Variants in RBFOX1 observed in about 807,000 individuals in gnomAD.
RBFOX1 encodes the protein RNA binding protein fox-1 homolog 1.
A neutral mutation model predicts 57.7 loss-of-function variants in RBFOX1; 8 were observed. The observed-to-expected ratio is 0.14, with a 90% CI of 0.08 to 0.25. The LOEUF is 0.25. Among genes scored for constraint, RBFOX1 ranks in the 10% least tolerant of loss-of-function variants. The pLI is 1.00. For synonymous variants in RBFOX1, 326 were observed against 222.4 expected (o/e 1.47, Z -4.15); for missense variants, 611 against 548.5 (o/e 1.11, Z -1.14).
intron 4 of RBFOX1, among the ~76,000 whole-genome samples, chr16:7,164,574 C>T (rs1346556473): frequency 3.3e-5 from 5 of 152,188 alleles, no homozygotes; most frequent in Admixed American, 1.3e-4. Flanking sequence ...GAAAAGCCCC[C>T]TCTAAATCCT....
chr16:5,955,381 TAAAATA>T, intron 4 of RBFOX1, among the ~76,000 whole-genome samples: 1 of 72,728 alleles, frequency 1.4e-5, no homozygotes, highest in South Asian at 4.5e-4. Flanking sequence ...TAAAATAAAA[TAAAATA>T]AAATAAAATA....
At chr16:6,335,651 G>A (rs1053763313) in intron 2 of RBFOX1, among the ~76,000 whole-genome samples, 4 of 151,232 alleles carry the variant, frequency 2.6e-5, no homozygotes, top group Non-Finnish European at 5.9e-5. Flanking sequence ...GTTGACGCGC[G>A]CCTGTAACCC....
At chr16:7,674,758 T>C (rs1361311061) in intron 13 of RBFOX1, among the ~76,000 whole-genome samples, 4 of 152,216 alleles carry the variant, frequency 2.6e-5, no homozygotes, top group Non-Finnish European at 5.9e-5. Flanking sequence ...ATGTTTCTAC[T>C]ATACATAACC....
At chr16:7,111,693 G>A (rs1028791182) in intron 4 of RBFOX1, among the ~76,000 whole-genome samples, 1 of 152,022 alleles carries the variant, frequency 6.6e-6, no homozygotes, top group Non-Finnish European at 1.5e-5. Flanking sequence ...CTACTTCTGG[G>A]GAAGATGAGG....
chr16:6,146,983 G>T (rs955374851), intron 1 of RBFOX1, among the ~76,000 whole-genome samples: 1 of 152,044 alleles, frequency 6.6e-6, no homozygotes, highest in African/African-American at 2.4e-5. Flanking sequence ...CCCACTGGTC[G>T]TGCATTAAAG....
chr16:7,706,363 GTAT>G (rs2082440631), intron 14 of RBFOX1, among the ~76,000 whole-genome samples: 1 of 152,196 alleles, frequency 6.6e-6, no homozygotes, highest in Non-Finnish European at 1.5e-5. Context: ...CAATGCTGCT[GTAT>G]TTTCCTTCTG....
In RBFOX1 at chr16:7,197,655, C is replaced by T. The variant is rs543413827; in HGVS notation, c.27+145557C>T. Among the ~76,000 whole-genome samples, 4 of 152,150 alleles carry T rather than the reference C, an allele frequency of 2.6e-5. No homozygotes were observed. The East Asian group carries it at 7.8e-4, about 29-fold the overall frequency. ...TTCATCACAGCATTATCCACAATAG[C>T]TAAAAGGTGGAAACAACTCAACTGT... On this transcript the variant is annotated intron_variant, in intron 4 of 15. Coordinates refer to ENST00000550418, the MANE Select transcript of RBFOX1 (RefSeq NM_018723.4).
chr16:7,664,711 C>T, intron 12 of RBFOX1: 1 of 715,430 alleles, frequency 1.4e-6, no homozygotes, highest in African/African-American at 1.8e-5. Flanking sequence ...CCGCCACCAC[C>T]ACATCCTAAT....
Position 6,725,663 on chromosome 16 carries a change from C to T in RBFOX1, c.-16+71013C>T, listed in dbSNP as rs1038317329. Reference sequence around the variant, plus strand: ...CTTTATTCCTTTTAATTTCTTAATACATTTGCTTTTACTTAAAAAGAAGAG... The same window carrying T: ...CTTTATTCCTTTTAATTTCTTAATATATTTGCTTTTACTTAAAAAGAAGAG... On this transcript the variant is annotated intron_variant, in intron 3 of 15. Transcript: ENST00000550418. Among the ~76,000 whole-genome samples the T allele has an allele frequency of 2.6e-5, 4 of 152,282 alleles. No homozygotes were observed. The East Asian group carries it at 7.7e-4, about 29-fold the overall frequency.
rs57239085 is a variant in RBFOX1, at chr16:7,644,566, A to G, written c.758-9249A>G. Reference sequence around the variant, plus strand: ...AACTCTCACCCGTTTGAGGATTGCCACCCATTTTCTTTCGTAACTGTAGGA... The same window carrying G: ...AACTCTCACCCGTTTGAGGATTGCCGCCCATTTTCTTTCGTAACTGTAGGA... On this transcript the variant is annotated intron_variant, in intron 11 of 15. Coordinates refer to ENST00000550418, the MANE Select transcript of RBFOX1 (RefSeq NM_018723.4). Among the ~76,000 whole-genome samples, 701 of 152,234 alleles carry G rather than the reference A, an allele frequency of 4.6e-3. 4 individuals carry two copies. The highest frequency in any genetic ancestry group is 0.016 in the African/African-American group (682 of 41,546).
intron 3 of RBFOX1, among the ~76,000 whole-genome samples, chr16:6,768,518 A>G (rs1008957589): frequency 2.0e-5 from 3 of 152,006 alleles, no homozygotes; most frequent in Non-Finnish European, 4.4e-5. Context: ...TATGAATAGT[A>G]TCTATTTTCT....
intron 1 of RBFOX1, among the ~76,000 whole-genome samples, chr16:6,272,217 A>G (rs2075290479): frequency 6.6e-6 from 1 of 152,194 alleles, no homozygotes; most frequent in Non-Finnish European, 1.5e-5. Flanking sequence ...TTATCAATCT[A>G]TGTAGAAACA....
chr16:5,545,277 A>C (rs2045145434), intron 2 of RBFOX1, among the ~76,000 whole-genome samples: 1 of 141,230 alleles, frequency 7.1e-6, no homozygotes, highest in African/African-American at 2.6e-5. Context: ...CCCTGCCCTT[A>C]GTGTTAAATT....
chr16:7,216,718 T>C (rs918922747), intron 4 of RBFOX1, among the ~76,000 whole-genome samples: 3 of 152,114 alleles, frequency 2.0e-5, no homozygotes, highest in Non-Finnish European at 2.9e-5. Flanking sequence ...GCACAGCACA[T>C]AGAATGTAAT....
chr16:7,387,315 A>G (rs945615096), intron 4 of RBFOX1, among the ~76,000 whole-genome samples: 5 of 152,166 alleles, frequency 3.3e-5, no homozygotes, highest in African/African-American at 7.2e-5. Context: ...CATTTTATAG[A>G]TAAGAAAACT....
intron 3 of RBFOX1, among the ~76,000 whole-genome samples, chr16:5,635,549 C>T (rs1053885865): frequency 7.2e-5 from 11 of 152,198 alleles, no homozygotes; most frequent in African/African-American, 2.4e-4. Context: ...ATATGTATCC[C>T]ATACAGATTT....
At chr16:6,923,986 A>C (rs1432802465) in intron 3 of RBFOX1, among the ~76,000 whole-genome samples, 2 of 152,088 alleles carry the variant, frequency 1.3e-5, no homozygotes, top group Admixed American at 1.3e-4. Flanking sequence ...CCTGGCCAAC[A>C]TGGTGAAACC....
intron 1 of RBFOX1, among the ~76,000 whole-genome samples, chr16:6,284,078 C>T (rs2076656473): frequency 1.3e-5 from 2 of 152,250 alleles, no homozygotes; most frequent in African/African-American, 2.4e-5. Context: ...CCATAAAGAG[C>T]ACTGACAATT....
chr16:5,757,901 T>A (rs1393768345), intron 3 of RBFOX1, among the ~76,000 whole-genome samples: 2 of 152,162 alleles, frequency 1.3e-5, no homozygotes, highest in African/African-American at 4.8e-5. Context: ...TGACAATAAA[T>A]CTTTCCCCTT....
Sources: gnomAD v4.1 joint callset for allele counts (sites outside exome capture counted in the v4.1 genomes callset) on GRCh38, gnomAD v4.1.1 for gene constraint, MANE v1.5 for transcripts, NCBI Gene and HGNC (gene_info 2026-07-23, HGNC 2026-07-21) for gene names.